Variants in C11orf65 observed in about 807,000 individuals in gnomAD.
C11orf65 encodes the protein protein MFI.
Under a neutral mutation model 35.3 loss-of-function variants are expected in C11orf65, and 38 were observed. The observed-to-expected ratio is 1.08, with a 90% CI of 0.83 to 1.41. The LOEUF is 1.41. C11orf65 is among the 40% of genes most tolerant of loss of function. C11orf65 has a pLI of 0.00. For missense variants in C11orf65, 370 were observed against 367.1 expected (o/e 1.01, Z -0.06); for synonymous variants, 105 against 114.4 (o/e 0.92, Z 0.53).
In C11orf65 at chr11:108,390,318, C is replaced by T. The variant is rs577216126; in HGVS notation, c.731+2890G>A. Among the ~76,000 whole-genome samples, 3 of 152,292 alleles carry T rather than the reference C, an allele frequency of 2.0e-5. No individual in the cohort carries two copies. The East Asian group carries it at 5.8e-4, about 29-fold the overall frequency. On this transcript the variant is annotated intron_variant, in intron 7 of 8. Transcript: ENST00000393084. ...GGATTACAGGCGTAAGCCACCACAC[C>T]CAGCCTGTTTTTTGTTTTTTAAAGG...
chr11:108,450,496 C>T (rs925152023), intron 2 of C11orf65, among the ~76,000 whole-genome samples: 8 of 150,708 alleles, frequency 5.3e-5, no homozygotes, highest in African/African-American at 2.0e-4. Context: ...AAACTGGAAA[C>T]CGTCATTCTT....
intron 8 of C11orf65, among the ~76,000 whole-genome samples, chr11:108,385,619 T>C (rs1465078374): frequency 1.3e-5 from 2 of 152,000 alleles, no homozygotes; most frequent in East Asian, 1.9e-4. Context: ...GAGGCGGAGC[T>C]TGCAGTGAGC....
chr11:108,427,670 T>C (rs1252944781), intron 3 of C11orf65, among the ~76,000 whole-genome samples: 2 of 108,994 alleles, frequency 1.8e-5, no homozygotes, highest in Non-Finnish European at 1.7e-5. Context: ...TGCAGTGAGT[T>C]GAGATCGCGC....
At chr11:108,326,688 T>C (rs529664084), downstream of C11orf65, among the ~76,000 whole-genome samples, 2 of 152,342 alleles carry the variant, frequency 1.3e-5, no homozygotes, top group East Asian at 3.9e-4. Context: ...TGCAAACTTA[T>C]GTTGCTACTT....
intron 6 of C11orf65, among the ~76,000 whole-genome samples, chr11:108,403,995 A>G (rs1284705255): frequency 6.6e-6 from 1 of 152,078 alleles, no homozygotes; most frequent in East Asian, 1.9e-4. Context: ...ATACGACACA[A>G]GCATCTTCTC....
At chr11:108,394,119 GC>G (rs2092245064) in intron 6 of C11orf65, among the ~76,000 whole-genome samples, 2 of 145,144 alleles carry the variant, frequency 1.4e-5, no homozygotes, top group African/African-American at 5.0e-5. Context: ...GGTGGAGGTT[GC>G]AGCGAGCCGA....
At chr11:108,414,780 C>T (rs1445381296) in intron 3 of C11orf65, among the ~76,000 whole-genome samples, 2 of 151,854 alleles carry the variant, frequency 1.3e-5, no homozygotes, top group African/African-American at 4.8e-5. Context: ...AATTATAGAC[C>T]AATATCTCTC....
chr11:108,428,664 C>T (rs1043987523), intron 3 of C11orf65, among the ~76,000 whole-genome samples: 6 of 151,906 alleles, frequency 3.9e-5, no homozygotes, highest in South Asian at 2.1e-4. Context: ...TCTGTAGAGG[C>T]GTTGGGGGGC....
At chr11:108,399,306 T>A (rs1045264104) in intron 6 of C11orf65, among the ~76,000 whole-genome samples, 1 of 152,214 alleles carries the variant, frequency 6.6e-6, no homozygotes, top group Non-Finnish European at 1.5e-5. Flanking sequence ...CTCACCAATT[T>A]TCCAATTTTA....
downstream of C11orf65, among the ~76,000 whole-genome samples, chr11:108,379,107 C>G (rs1258604179): frequency 1.3e-5 from 2 of 151,980 alleles, no homozygotes; most frequent in African/African-American, 2.4e-5. Context: ...TACCATTTGA[C>G]CCAGCCATCC....
chr11:108,394,053 C>T (rs1249676597), intron 6 of C11orf65, among the ~76,000 whole-genome samples: 4 of 151,164 alleles, frequency 2.6e-5, no homozygotes, highest in Non-Finnish European at 4.4e-5. Flanking sequence ...GGTGGCGGGC[C>T]CCTGTAATCC....
chr11:108,389,995 G>GTT (rs911762173), intron 7 of C11orf65, among the ~76,000 whole-genome samples: 1 of 34,498 alleles, frequency 2.9e-5, no homozygotes, highest in Non-Finnish European at 7.5e-5. Context: ...CGCCTGGCTG[G>GTT]TTTTTTTTTT....
chr11:108,345,609 T>A, intron 2 of C11orf65: 1 of 716,916 alleles, frequency 1.4e-6, no homozygotes, highest in Non-Finnish European at 2.2e-6. Context: ...GTCCAGACTG[T>A]TAGCTTCTTG....
chr11:108,396,126 T>C (rs149907530), intron 6 of C11orf65, among the ~76,000 whole-genome samples: 15 of 152,094 alleles, frequency 9.9e-5, no homozygotes, highest in African/African-American at 3.1e-4. Flanking sequence ...GAGCAAATGC[T>C]CCGTTACCCA....
intron 2 of C11orf65, among the ~76,000 whole-genome samples, chr11:108,358,669 C>T (rs1408419096): frequency 6.8e-6 from 1 of 147,612 alleles, no homozygotes. Context: ...GAATTTTCAA[C>T]CCAGAATTTC....
intron 8 of C11orf65, 152 bp from the exon 9 acceptor site, chr11:108,383,327 G>C (rs2091907183): frequency 1.5e-6 from 1 of 649,018 alleles, no homozygotes; most frequent in Admixed American, 3.7e-5. Context: ...AAATTTCTGA[G>C]TTCATCCCAC....
chr11:108,394,936 T>C (rs774641796), intron 6 of C11orf65, among the ~76,000 whole-genome samples: 3 of 150,890 alleles, frequency 2.0e-5, no homozygotes, highest in Admixed American at 6.6e-5. Flanking sequence ...TTTAAGAACA[T>C]ACTGGACAAC....
At chr11:108,374,542 CAG>C (rs770712433) in intron 2 of C11orf65, among the ~76,000 whole-genome samples, 4 of 152,176 alleles carry the variant, frequency 2.6e-5, no homozygotes, top group Admixed American at 6.5e-5. Flanking sequence ...GGGGAAAAAA[CAG>C]AGCAGAAAAA....
chr11:108,337,823 G>A (rs766882432), intron 2 of C11orf65, among the ~76,000 whole-genome samples: 4 of 152,188 alleles, frequency 2.6e-5, no homozygotes, highest in Non-Finnish European at 4.4e-5. Flanking sequence ...GTGAAGAATT[G>A]GGTTACAAAA....
Sources: gnomAD v4.1 joint callset for allele counts (sites outside exome capture counted in the v4.1 genomes callset) on GRCh38, gnomAD v4.1.1 for gene constraint, MANE v1.5 for transcripts, NCBI Gene and HGNC (gene_info 2026-07-23, HGNC 2026-07-21) for gene names.